ATG4C: variants seen among roughly 807,000 people sequenced by gnomAD.
ATG4C encodes cysteine protease ATG4C.
A neutral mutation model predicts 57.6 loss-of-function variants in ATG4C; 56 were observed. That is an observed-to-expected ratio of 0.97 (90% CI 0.78 to 1.21). ATG4C has a LOEUF of 1.21. Among genes scored for constraint, ATG4C ranks in the 50% most tolerant of loss-of-function variants. ATG4C has a pLI of 0.00. For synonymous variants in ATG4C, 157 were observed against 174.1 expected, an observed-to-expected ratio of 0.90 and a Z score of 0.78; for missense variants, 595 against 529.8, an observed-to-expected ratio of 1.12 and a Z score of -1.21.
intron 1 of ATG4C, among the ~76,000 whole-genome samples, chr1:62,790,141 G>A (rs971752214): frequency 6.6e-6 from 1 of 152,026 alleles, no homozygotes; most frequent in African/African-American, 2.4e-5. Flanking sequence ...CTCGAACTCC[G>A]GACCTCCGGT....
intron 2 of ATG4C, 84 bp downstream of exon 2, chr1:62,803,946 T>C: frequency 1.3e-6 from 1 of 768,646 alleles, no homozygotes; most frequent in Non-Finnish European, 2.1e-6. Context: ...TCACTGACAA[T>C]TTCTTGAGAA....
intron 10 of ATG4C, among the ~76,000 whole-genome samples, chr1:62,860,309 A>T (rs1666812398): frequency 6.6e-6 from 1 of 152,240 alleles, no homozygotes; most frequent in African/African-American, 2.4e-5. Flanking sequence ...AAGTAAAATG[A>T]GTACACTCTA....
intron 4 of ATG4C, among the ~76,000 whole-genome samples, chr1:62,818,320 A>G (rs959520919): frequency 1.3e-5 from 2 of 152,162 alleles, no homozygotes; most frequent in African/African-American, 4.8e-5. Context: ...TATAATCAAA[A>G]CATCCACTTT....
chr1:62,835,570 G>A (rs1223274822), intron 9 of ATG4C: 1 of 174,230 alleles, frequency 5.7e-6, no homozygotes, highest in East Asian at 1.7e-4. Flanking sequence ...GACTTGATGA[G>A]TTGCAAATAT....
chr1:62,822,125 G>A (rs548801345), intron 6 of ATG4C, among the ~76,000 whole-genome samples: 2 of 152,128 alleles, frequency 1.3e-5, no homozygotes, highest in Non-Finnish European at 1.5e-5. Flanking sequence ...CAGGAATACT[G>A]TTAACAATGA....
intron 9 of ATG4C, 61 bp from the exon 10 acceptor site, chr1:62,841,367 A>G: frequency 2.2e-6 from 3 of 1,366,448 alleles, no homozygotes; most frequent in Non-Finnish European, 3.0e-6. Flanking sequence ...TTTAAATAAT[A>G]GTTTTATATA....
chr1:62,792,696 T>G (rs1161969120), intron 1 of ATG4C, among the ~76,000 whole-genome samples: 1 of 152,220 alleles, frequency 6.6e-6, no homozygotes, highest in Non-Finnish European at 1.5e-5. Flanking sequence ...ATATTTTGAG[T>G]TTAGTACAAT....
intron 1 of ATG4C, among the ~76,000 whole-genome samples, chr1:62,787,016 A>G (rs1311161187): frequency 6.6e-6 from 1 of 152,070 alleles, no homozygotes; most frequent in African/African-American, 2.4e-5. Context: ...AGGGAGAGGA[A>G]GATATCATGG....
intron 3 of ATG4C, among the ~76,000 whole-genome samples, chr1:62,816,093 GCTTTTGTGT>G (rs1665262085): frequency 6.6e-6 from 1 of 152,150 alleles, no homozygotes; most frequent in Admixed American, 6.5e-5. Flanking sequence ...TCTTCTTCCA[GCTTTTGTGT>G]ATCTGAAAAC....
chr1:62,808,677 TA>T (rs1274170999), intron 3 of ATG4C, among the ~76,000 whole-genome samples: 1 of 152,054 alleles, frequency 6.6e-6, no homozygotes, highest in African/African-American at 2.4e-5. Context: ...TATAAATGCT[TA>T]AAAGAGATAG....
chr1:62,788,864 CT>C (rs897163690), intron 1 of ATG4C, among the ~76,000 whole-genome samples: 5 of 149,970 alleles, frequency 3.3e-5, no homozygotes, highest in East Asian at 2.0e-4. Flanking sequence ...GTGGGTTTTT[CT>C]TTTTTTTTCT....
At chr1:62,804,729 A>G (rs945356107) in intron 2 of ATG4C, among the ~76,000 whole-genome samples, 8 of 152,162 alleles carry the variant, frequency 5.3e-5, no homozygotes, top group African/African-American at 1.7e-4. Context: ...CTTGGGCAGA[A>G]CCAGCTTCAA....
chr1:62,857,991 T>TA (rs1666738202), intron 10 of ATG4C, among the ~76,000 whole-genome samples: 1 of 152,184 alleles, frequency 6.6e-6, no homozygotes. Context: ...GCTGTCCTCT[T>TA]ACATCTACCT....
chr1:62,834,933 C>G, intron 9 of ATG4C, 81 bp downstream of exon 9: 2 of 1,154,522 alleles, frequency 1.7e-6, no homozygotes, highest in South Asian at 2.7e-5. Flanking sequence ...GGTAGCTATG[C>G]TTTTACGGTA....
chr1:62,795,654 C>G (rs1024921146), intron 1 of ATG4C, among the ~76,000 whole-genome samples: 1 of 152,124 alleles, frequency 6.6e-6, no homozygotes, highest in East Asian at 1.9e-4. Flanking sequence ...AGAACATCTG[C>G]TTGAAAAAAG....
chr1:62,801,815 G>A (rs759870327), intron 1 of ATG4C, among the ~76,000 whole-genome samples: 4 of 151,456 alleles, frequency 2.6e-5, no homozygotes, highest in Non-Finnish European at 4.4e-5. Flanking sequence ...AAAATTAGCC[G>A]GATGTGGTGG....
rs751277756 is a variant in ATG4C at position 62,864,085 on chromosome 1, G to A, written c.1303G>A (p.Glu435Lys). The change falls in exon 11 of 11, where the codon GAA becomes AAA. Residue 435 changes from glutamate (E) to lysine (K), a missense_variant. Transcript: ENST00000317868. Reference protein sequence around the residue: ...DYDFTSTTTNEEDLFSEDEKK... With the variant: ...DYDFTSTTTNKEDLFSEDEKK... ...TGATTTTACATCTACTACAACCAATGAAGAAGACCTTTTTTCAGAGGATGA... is the reference window on the plus strand; with the variant it reads ...TGATTTTACATCTACTACAACCAATAAAGAAGACCTTTTTTCAGAGGATGA... The A allele has an allele frequency of 1.2e-6, 2 of 1,607,472 alleles. No homozygotes were observed.
Position 62,864,718 on chromosome 1 carries a change from T to C in ATG4C, c.*559T>C, listed in dbSNP as rs1179303365. 1 of 152,034 alleles carries C rather than the reference T, an allele frequency of 6.6e-6. No individual in the cohort carries two copies. The highest frequency in any genetic ancestry group is 1.5e-5 in the Non-Finnish European group (1 of 67,892). The allele number at this position is 152,034 out of a possible 1,614,324, so 9.4% of individuals were successfully genotyped here. A position where few individuals can be genotyped will look rare whatever the true frequency, so the allele number is the denominator to read the frequency against. ...GTTAAAGTAATACTTAGCAATATGATTTTATAATGGCTCCTCATTATGCTT... is the reference window on the plus strand; with the variant it reads ...GTTAAAGTAATACTTAGCAATATGACTTTATAATGGCTCCTCATTATGCTT... On this transcript the variant is annotated 3_prime_UTR_variant, in exon 11 of 11. Coordinates refer to ENST00000317868, the MANE Select transcript of ATG4C (RefSeq NM_032852.4).
intron 10 of ATG4C, among the ~76,000 whole-genome samples, chr1:62,851,880 C>T (rs143339987): frequency 3.3e-5 from 5 of 152,188 alleles, no homozygotes; most frequent in African/African-American, 1.2e-4. Flanking sequence ...CAACAGCAGT[C>T]GTGGTGGTGG....
Sources: allele counts gnomAD v4.1 joint callset (sites outside exome capture counted in the v4.1 genomes callset), GRCh38; gene constraint gnomAD v4.1.1; transcripts MANE v1.5; gene names NCBI Gene and HGNC (gene_info 2026-07-23, HGNC 2026-07-21).